LRRC20: variants seen among roughly 807,000 people sequenced by gnomAD.
The protein encoded by LRRC20 is leucine-rich repeat-containing protein 20.
A neutral mutation model predicts 14.4 loss-of-function variants in LRRC20; 11 were observed. The ratio of observed to expected loss-of-function variants is 0.77; its 90% CI spans 0.48 to 1.27. The LOEUF is 1.27. LRRC20 is among the 50% of genes most tolerant of loss of function. The pLI is 0.00. For missense variants in LRRC20, 219 were observed against 251.2 expected, an observed-to-expected ratio of 0.87 and a Z score of 0.87; for synonymous variants, 121 against 107.3, an observed-to-expected ratio of 1.13 and a Z score of -0.79.
At chr10:70,346,750 T>C (rs1478394368) in intron 2 of LRRC20, among the ~76,000 whole-genome samples, 1 of 152,250 alleles carries the variant, frequency 6.6e-6, no homozygotes, top group Non-Finnish European at 1.5e-5. Context: ...AGCAATTTGT[T>C]ACTAAATTAT....
chr10:70,339,541 C>T (rs1310534647), intron 3 of LRRC20, among the ~76,000 whole-genome samples: 3 of 152,030 alleles, frequency 2.0e-5, no homozygotes, highest in African/African-American at 7.2e-5. Context: ...CCCCCCTAGG[C>T]TTCCTGTGCC....
chr10:70,358,524 G>T (rs1392892645), intron 2 of LRRC20, among the ~76,000 whole-genome samples: 1 of 152,210 alleles, frequency 6.6e-6, no homozygotes, highest in African/African-American at 2.4e-5. Flanking sequence ...TCTCACAGAT[G>T]CATGACTGAT....
intron 3 of LRRC20, 54 bp from the exon 4 acceptor site, chr10:70,324,084 A>G: frequency 6.5e-7 from 1 of 1,545,636 alleles, no homozygotes; most frequent in Non-Finnish European, 8.9e-7. Context: ...CCACCCCGAG[A>G]CCACAGTGAC....
At chr10:70,321,946 A>G (rs1026753584) in intron 4 of LRRC20, among the ~76,000 whole-genome samples, 5 of 152,218 alleles carry the variant, frequency 3.3e-5, no homozygotes, top group Non-Finnish European at 5.9e-5. Context: ...AGATATGTCT[A>G]TGCAAGAGGA....
chr10:70,361,711 A>ACCCCCCCCC (rs1843727995), intron 2 of LRRC20, among the ~76,000 whole-genome samples: 1 of 148,740 alleles, frequency 6.7e-6, no homozygotes, highest in Non-Finnish European at 1.5e-5. Flanking sequence ...TCCCTCCCCC[A>ACCCCCCCCC]CCCTCACCCT....
intron 4 of LRRC20, among the ~76,000 whole-genome samples, chr10:70,308,752 G>A (rs980163325): frequency 6.6e-6 from 1 of 152,172 alleles, no homozygotes; most frequent in East Asian, 1.9e-4. Flanking sequence ...CGCAGAGACA[G>A]GCTGTTTTCA....
At chr10:70,304,517 C>A (rs1841345231) in intron 4 of LRRC20, among the ~76,000 whole-genome samples, 1 of 105,550 alleles carries the variant, frequency 9.5e-6, no homozygotes, top group Admixed American at 9.8e-5. Context: ...TTTTACTAAG[C>A]ACCAATAACA....
At chr10:70,356,680 G>A (rs937443436) in intron 2 of LRRC20, among the ~76,000 whole-genome samples, 3 of 151,944 alleles carry the variant, frequency 2.0e-5, no homozygotes, top group Admixed American at 1.3e-4. Flanking sequence ...GTGAAACCCC[G>A]TCTCTACTAA....
intron 3 of LRRC20, among the ~76,000 whole-genome samples, chr10:70,340,158 G>T (rs1420839662): frequency 1.3e-5 from 2 of 151,994 alleles, no homozygotes; most frequent in East Asian, 3.9e-4. Context: ...AACATCCCTG[G>T]CATCTGTCAC....
At chr10:70,358,898 C>T (rs377377147) in intron 2 of LRRC20, among the ~76,000 whole-genome samples, 9 of 152,314 alleles carry the variant, frequency 5.9e-5, no homozygotes, top group East Asian at 3.9e-4. Flanking sequence ...CCCAGTACAG[C>T]GCTGGGCAAA....
At chr10:70,306,236 T>C (rs1841421261) in intron 4 of LRRC20, among the ~76,000 whole-genome samples, 1 of 152,026 alleles carries the variant, frequency 6.6e-6, no homozygotes, top group Non-Finnish European at 1.5e-5. Flanking sequence ...TTCTCTTACA[T>C]AACCACAGTG....
chr10:70,354,004 C>T (rs1265522994), intron 2 of LRRC20, among the ~76,000 whole-genome samples: 11 of 152,198 alleles, frequency 7.2e-5, no homozygotes, highest in Admixed American at 7.2e-4. Context: ...GGATTTGTCA[C>T]TTACTGTCTG....
intron 1 of LRRC20, among the ~76,000 whole-genome samples, chr10:70,380,558 C>T (rs1019371053): frequency 1.3e-5 from 2 of 152,204 alleles, no homozygotes; most frequent in African/African-American, 4.8e-5. Context: ...TGGGCCAGAT[C>T]GCCGCTTGGG....
Position 70,300,275 on chromosome 10 carries a change from G to A in LRRC20, c.*1079C>T, listed in dbSNP as rs1355561819. ...GGGGACCAACCATCCCCACTTGCTG[G>A]GTACTGTCCCAGTTTTAGCATTGAA... On this transcript the variant is annotated 3_prime_UTR_variant, in exon 5 of 5. Transcript: ENST00000446961. 1.2e-6 allele frequency: 1 copy of A among 811,004 alleles called. No homozygotes were observed. Among genetic ancestry groups the A allele is most frequent in the African/African-American group, 1.9e-5 (1 of 53,588 alleles). 50.2% of individuals were successfully genotyped at this position (811,004 alleles called of 1,614,324 possible).
At chr10:70,348,891 C>T (rs1383340583) in intron 2 of LRRC20, among the ~76,000 whole-genome samples, 2 of 152,338 alleles carry the variant, frequency 1.3e-5, no homozygotes, top group East Asian at 1.9e-4. Context: ...CCCATTCTAC[C>T]AGTTTGCAGA....
intron 2 of LRRC20, among the ~76,000 whole-genome samples, chr10:70,349,008 C>G (rs1339212903): frequency 6.6e-6 from 1 of 151,896 alleles, no homozygotes; most frequent in Non-Finnish European, 1.5e-5. Context: ...GGGGCCAGGT[C>G]CCACTAGGGA....
At chr10:70,317,862 A>G (rs1841927269) in intron 4 of LRRC20, among the ~76,000 whole-genome samples, 2 of 152,198 alleles carry the variant, frequency 1.3e-5, no homozygotes, top group Admixed American at 1.3e-4. Context: ...GCCTCCCACT[A>G]TGCCACTGTC....
At chr10:70,363,142 G>A (rs550389696) in intron 2 of LRRC20, among the ~76,000 whole-genome samples, 1 of 151,656 alleles carries the variant, frequency 6.6e-6, no homozygotes, top group South Asian at 2.1e-4. Flanking sequence ...GCCAGGCATG[G>A]TGATGTGTGC....
intron 2 of LRRC20, among the ~76,000 whole-genome samples, chr10:70,344,896 A>T (rs113114193): frequency 3.3e-5 from 5 of 152,316 alleles, no homozygotes; most frequent in Non-Finnish European, 7.4e-5. Flanking sequence ...ATAGTTTTGT[A>T]TGTGAAGATA....
Sources: gnomAD v4.1 joint callset for allele counts (sites outside exome capture counted in the v4.1 genomes callset) on GRCh38, gnomAD v4.1.1 for gene constraint, MANE v1.5 for transcripts, NCBI Gene and HGNC (gene_info 2026-07-23, HGNC 2026-07-21) for gene names.